NLK: variants seen among roughly 807,000 people sequenced by gnomAD.
NLK encodes serine/threonine-protein kinase NLK.
NLK carries 11 observed loss-of-function variants against 59.0 expected under a neutral mutation model. The ratio of observed to expected loss-of-function variants is 0.19; its 90% CI spans 0.12 to 0.31. NLK has a LOEUF of 0.31. Ranked by LOEUF, NLK falls within the 10% of genes least tolerant of loss-of-function variation. NLK has a pLI of 1.00. For missense variants in NLK, 410 were observed against 661.1 expected (o/e 0.62, Z 4.16); for synonymous variants, 235 against 235.9 (o/e 1.00, Z 0.03).
rs1907991279 is a variant in NLK at position 28,161,266 on chromosome 17, G to GGTCT, written c.751+2_751+3insCTGT. The GGTCT allele has an allele frequency of 6.4e-7, 1 of 1,573,920 alleles. No homozygotes were observed. Among genetic ancestry groups the GGTCT allele is most frequent in the South Asian group, 1.1e-5 (1 of 90,112 alleles). On this transcript the variant is annotated frameshift_variant and splice_region_variant. Transcript: ENST00000407008. LOFTEE classifies it high-confidence loss of function. The stretch of plus-strand genomic sequence containing the variant: ...AGTTTTTCTTTATCAGATTTTGCGA[G>GGTCT]GTAAGATTTCTTTATGAAGAAAAAG...
chr17:28,172,404 G>T, intron 6 of NLK, 113 bp from the exon 7 acceptor site: 1 of 489,530 alleles, frequency 2.0e-6, no homozygotes, highest in Non-Finnish European at 3.4e-6. Flanking sequence ...TCTAGAGCTT[G>T]TCTTAAGGTT....
chr17:28,175,145 T>C (rs987791858), intron 7 of NLK, among the ~76,000 whole-genome samples: 6 of 152,052 alleles, frequency 3.9e-5, no homozygotes, highest in Non-Finnish European at 8.8e-5. Context: ...TGGACTGTAG[T>C]GATTAAGAGT....
chr17:28,095,747 A>T (rs1904679184), intron 1 of NLK, among the ~76,000 whole-genome samples: 1 of 152,210 alleles, frequency 6.6e-6, no homozygotes, highest in African/African-American at 2.4e-5. Context: ...TGGTTTTACA[A>T]AAGAAAATCT....
chr17:28,070,354 A>ATTT (rs749066253), intron 1 of NLK, among the ~76,000 whole-genome samples: 6 of 134,834 alleles, frequency 4.4e-5, no homozygotes, highest in South Asian at 2.3e-4. Flanking sequence ...TCTGAAATTA[A>ATTT]TTTTTTTTTT....
intron 2 of NLK, among the ~76,000 whole-genome samples, chr17:28,123,887 A>G (rs963596011): frequency 3.3e-5 from 5 of 152,214 alleles, no homozygotes; most frequent in African/African-American, 4.8e-5. Flanking sequence ...AATTCTTTAT[A>G]TAATACTCAA....
intron 1 of NLK, among the ~76,000 whole-genome samples, chr17:28,065,127 C>T (rs1909784970): frequency 6.6e-6 from 1 of 152,004 alleles, no homozygotes; most frequent in Non-Finnish European, 1.5e-5. Flanking sequence ...TATATAAATA[C>T]AGATAAGTAC....
intron 3 of NLK, among the ~76,000 whole-genome samples, chr17:28,138,752 C>T (rs1005317295): frequency 7.9e-5 from 12 of 152,202 alleles, no homozygotes; most frequent in Admixed American, 2.6e-4. Flanking sequence ...ATTGCATAAA[C>T]ATAAGCATCA....
chr17:28,057,477 T>C (rs1315586838), intron 1 of NLK, among the ~76,000 whole-genome samples: 3 of 152,228 alleles, frequency 2.0e-5, no homozygotes, highest in African/African-American at 4.8e-5. Flanking sequence ...CAAAATTCAG[T>C]GTAAATCAAA....
chr17:28,146,484 C>CT (rs1907260482), intron 3 of NLK, among the ~76,000 whole-genome samples: 1 of 152,070 alleles, frequency 6.6e-6, no homozygotes, highest in Non-Finnish European at 1.5e-5. Flanking sequence ...ATTCTAAATC[C>CT]TAGCAGTAAC....
At chr17:28,103,129 A>G (rs1904959962) in intron 1 of NLK, among the ~76,000 whole-genome samples, 1 of 152,196 alleles carries the variant, frequency 6.6e-6, no homozygotes, top group South Asian at 2.1e-4. Context: ...TAAAAAGTTG[A>G]GGAATGGTGG....
At chr17:28,165,056 A>T (rs928575134) in intron 5 of NLK, among the ~76,000 whole-genome samples, 2 of 152,152 alleles carry the variant, frequency 1.3e-5, no homozygotes, top group Non-Finnish European at 1.5e-5. Flanking sequence ...TTCCACAGAG[A>T]AGTTAATTGC....
At chr17:28,111,353 A>T (rs1372955796) in intron 1 of NLK, among the ~76,000 whole-genome samples, 3 of 143,350 alleles carry the variant, frequency 2.1e-5, no homozygotes, top group African/African-American at 7.7e-5. Context: ...TGCCTGGCTA[A>T]TTTTTTTTTT....
intron 1 of NLK, among the ~76,000 whole-genome samples, chr17:28,114,226 T>C (rs560282044): frequency 1.3e-5 from 2 of 152,212 alleles, no homozygotes; most frequent in African/African-American, 2.4e-5. Context: ...TGTGTCTTAA[T>C]GTATAGATAT....
At chr17:28,084,289 A>T (rs1215006781) in intron 1 of NLK, among the ~76,000 whole-genome samples, 2 of 152,246 alleles carry the variant, frequency 1.3e-5, no homozygotes, top group African/African-American at 2.4e-5. Flanking sequence ...ATGGTTTAAC[A>T]CATGGTAGGT....
rs112040571 is a variant in NLK at position 28,163,245 on chromosome 17, T to C, written c.752-298T>C. Among the ~76,000 whole-genome samples the C allele has an allele frequency of 1.8e-3, 279 of 152,370 alleles. 1 individual carries two copies. The highest frequency in any genetic ancestry group is 6.3e-3 in the African/African-American group (263 of 41,592). On this transcript the variant is annotated intron_variant, in intron 4 of 10. Transcript: ENST00000407008. ...CCAATAGCCACACTGACTAGCAATC[T>C]AAGGTTATTAGTATGGTCTTAACTC...
intron 1 of NLK, among the ~76,000 whole-genome samples, chr17:28,051,653 G>A (rs1243930691): frequency 1.3e-5 from 2 of 149,050 alleles, no homozygotes; most frequent in Non-Finnish European, 3.0e-5. Flanking sequence ...CACTGCGCCC[G>A]GCTTTTTTTT....
intron 3 of NLK, 128 bp from the exon 4 acceptor site, chr17:28,161,032 G>T (rs955222274): frequency 1.8e-6 from 1 of 552,568 alleles, no homozygotes; most frequent in South Asian, 2.8e-5. Flanking sequence ...CCTCTGTCAC[G>T]CTGTCTAGAA....
chr17:28,125,043 C>T (rs1291731757), intron 2 of NLK, among the ~76,000 whole-genome samples: 1 of 151,452 alleles, frequency 6.6e-6, no homozygotes, highest in African/African-American at 2.4e-5. Flanking sequence ...CAAGATATCA[C>T]CTCAAAAAAA....
In NLK at chr17:28,151,295, A is replaced by G. The variant is rs529158472; in HGVS notation, c.645-9865A>G. Among the ~76,000 whole-genome samples, 3 of 152,292 alleles carry G rather than the reference A, an allele frequency of 2.0e-5. 1 individual carries two copies. The South Asian group carries it at 6.2e-4, about 32-fold the overall frequency. On this transcript the variant is annotated intron_variant, in intron 3 of 10. Transcript: ENST00000407008. ...TCTGCTAGAGCAAAGCAAAAACCGT[A>G]TCATAAGGTGGTGTGTATTGCTTCT...
Sources: gnomAD v4.1 joint callset for allele counts (sites outside exome capture counted in the v4.1 genomes callset) on GRCh38, gnomAD v4.1.1 for gene constraint, MANE v1.5 for transcripts, NCBI Gene and HGNC (gene_info 2026-07-23, HGNC 2026-07-21) for gene names.